The following STK3 variants were observed in gnomAD, a reference collection of about 807,000 sequenced individuals.
STK3 encodes the protein serine/threonine kinase 3, also known as serine/threonine-protein kinase 3.
Under a neutral mutation model 58.0 loss-of-function variants are expected in STK3, and 41 were observed. The observed-to-expected ratio is 0.71, with a 90% CI of 0.55 to 0.92. The LOEUF is 0.92. Among genes scored for constraint, STK3 ranks in the 40% least tolerant of loss-of-function variants. STK3 has a pLI of 0.00. For missense variants in STK3, 479 were observed against 602.7 expected, an observed-to-expected ratio of 0.79 and a Z score of 2.15; for synonymous variants, 170 against 191.0, an observed-to-expected ratio of 0.89 and a Z score of 0.91.
chr8:98,434,765 A>G (rs1384485923), intron 2 of STK3, among the ~76,000 whole-genome samples: 2 of 152,184 alleles, frequency 1.3e-5, no homozygotes, highest in African/African-American at 4.8e-5. Flanking sequence ...AAGGCCCTAC[A>G]GAAGGAACAG....
intron 1 of STK3, among the ~76,000 whole-genome samples, chr8:98,385,263 G>A (rs1817779583): frequency 6.6e-6 from 1 of 152,168 alleles, no homozygotes; most frequent in East Asian, 1.9e-4. Flanking sequence ...GGGGGTCGGG[G>A]GGAGGTCGTG....
chr8:98,443,611 G>A (rs1362572069), intron 1 of STK3, among the ~76,000 whole-genome samples: 5 of 152,114 alleles, frequency 3.3e-5, no homozygotes, highest in African/African-American at 1.2e-4. Context: ...ACTTTGGGAG[G>A]CCAAGATGGG....
intron 1 of STK3, among the ~76,000 whole-genome samples, chr8:98,907,338 C>G (rs760859047): frequency 1.3e-5 from 2 of 151,882 alleles, no homozygotes; most frequent in Non-Finnish European, 2.9e-5. Context: ...ATGGTGAAAC[C>G]CCGTCTTTAC....
chr8:98,583,137 CAG>C (rs1460031031), intron 7 of STK3, among the ~76,000 whole-genome samples: 2 of 151,028 alleles, frequency 1.3e-5, no homozygotes, highest in Non-Finnish European at 2.9e-5. Context: ...TAAATAAAAA[CAG>C]ACAATTGAAA....
chr8:98,347,318 T>A, the STK3 span, among the ~76,000 whole-genome samples: 1 of 151,710 alleles, frequency 6.6e-6, no homozygotes, highest in South Asian at 2.1e-4. Context: ...ATCAAGACCA[T>A]CCTGCCTAAC....
chr8:98,460,575 C>CA (rs1819873762), intron 10 of STK3, among the ~76,000 whole-genome samples: 1 of 152,180 alleles, frequency 6.6e-6, no homozygotes, highest in Non-Finnish European at 1.5e-5. Flanking sequence ...GCTGTGTCCC[C>CA]ACTCAAATCT....
chr8:98,761,344 T>C lies in STK3; in HGVS notation c.236+5899A>G, dbSNP rs180815417. Among the ~76,000 whole-genome samples, 239 of 152,200 alleles carry C rather than the reference T, an allele frequency of 1.6e-3. 1 individual carries two copies. Among genetic ancestry groups the C allele is most frequent in the African/African-American group, 5.4e-3 (226 of 41,528 alleles). ...TTTGCCATGTTGTTCAGGCTGGTCTTGAACTCCTGAGTTCAAGCAATCTGC... is the reference window on the plus strand; with the variant it reads ...TTTGCCATGTTGTTCAGGCTGGTCTCGAACTCCTGAGTTCAAGCAATCTGC... On this transcript the variant is annotated intron_variant, in intron 3 of 10. Coordinates refer to ENST00000419617, the MANE Select transcript of STK3 (RefSeq NM_006281.4).
intron 6 of STK3, among the ~76,000 whole-genome samples, chr8:98,688,210 A>G (rs1185081472): frequency 4.6e-5 from 7 of 152,252 alleles, no homozygotes; most frequent in Non-Finnish European, 1.0e-4. Flanking sequence ...CAGTTATACA[A>G]GAAGACTTAA....
chr8:98,566,483 A>T (rs2131660122), intron 8 of STK3, among the ~76,000 whole-genome samples: 1 of 152,306 alleles, frequency 6.6e-6, no homozygotes, highest in South Asian at 2.1e-4. Context: ...CACACACAAT[A>T]GACCCAAGTA....
chr8:98,769,090 C>T (rs970334692), intron 2 of STK3, among the ~76,000 whole-genome samples: 1 of 152,254 alleles, frequency 6.6e-6, no homozygotes, highest in African/African-American at 2.4e-5. Context: ...GAGCTCCTAA[C>T]TTCATTACTA....
chr8:98,644,865 A>C (rs184063474), intron 6 of STK3, among the ~76,000 whole-genome samples: 5 of 152,330 alleles, frequency 3.3e-5, no homozygotes, highest in East Asian at 1.9e-4. Flanking sequence ...CCATCTCTCT[A>C]TATATAAACA....
At chr8:98,604,734 AC>A (rs1816636995) in intron 6 of STK3, among the ~76,000 whole-genome samples, 1 of 152,096 alleles carries the variant, frequency 6.6e-6, no homozygotes, top group Non-Finnish European at 1.5e-5. Context: ...TTTCTTTTCT[AC>A]CACATGGCTG....
At chr8:98,429,259 T>C (rs1818294332) in intron 3 of STK3, 1 of 1,613,974 alleles carries the variant, frequency 6.2e-7, no homozygotes, top group Non-Finnish European at 8.5e-7. Context: ...GAGAGTGCCA[T>C]GCGCAGCTGT....
At chr8:98,718,097 C>A (rs1235222065) in intron 4 of STK3, among the ~76,000 whole-genome samples, 1 of 152,134 alleles carries the variant, frequency 6.6e-6, no homozygotes, top group Non-Finnish European at 1.5e-5. Context: ...GAGTTTCAGT[C>A]TTACAAGATG....
chr8:98,923,860 C>CGT (rs1839676137), intron 1 of STK3, among the ~76,000 whole-genome samples: 2 of 98,678 alleles, frequency 2.0e-5, no homozygotes, highest in South Asian at 2.8e-4. Flanking sequence ...TGTGTGCGCG[C>CGT]GCGCGCGCGC....
chr8:98,849,870 A>G (rs1377553186), intron 3 of STK3, among the ~76,000 whole-genome samples: 3 of 152,134 alleles, frequency 2.0e-5, no homozygotes, highest in Non-Finnish European at 2.9e-5. Flanking sequence ...CTGTGGCAGG[A>G]ATCAGGGGGT....
At chr8:98,759,786 G>C (rs1484317516) in intron 3 of STK3, among the ~76,000 whole-genome samples, 1 of 152,170 alleles carries the variant, frequency 6.6e-6, no homozygotes, top group African/African-American at 2.4e-5. Flanking sequence ...CTTGCAGGTT[G>C]TATCAGAACC....
At chr8:98,580,083 A>T (rs1813744806) in intron 7 of STK3, among the ~76,000 whole-genome samples, 1 of 152,212 alleles carries the variant, frequency 6.6e-6, no homozygotes, top group African/African-American at 2.4e-5. Context: ...AGTGTACATT[A>T]GGAGTAAAAA....
intron 4 of STK3, among the ~76,000 whole-genome samples, chr8:98,715,211 C>A (rs977761206): frequency 3.9e-5 from 6 of 152,180 alleles, no homozygotes; most frequent in African/African-American, 1.4e-4. Flanking sequence ...CCATTCAGGA[C>A]ATAGGCATGG....
Sources: allele counts gnomAD v4.1 joint callset (sites outside exome capture counted in the v4.1 genomes callset), GRCh38; gene constraint gnomAD v4.1.1; transcripts MANE v1.5; gene names NCBI Gene and HGNC (gene_info 2026-07-23, HGNC 2026-07-21).